The following OR2L13 variants were observed in gnomAD, a reference collection of about 807,000 sequenced individuals.
OR2L13 encodes the protein olfactory receptor family 2 subfamily L member 13.
Under a neutral mutation model 15.3 loss-of-function variants are expected in OR2L13, and 14 were observed. That is an observed-to-expected ratio of 0.91 (90% CI 0.60 to 1.43). The LOEUF is 1.43. OR2L13 is among the 40% of genes most tolerant of loss of function. The probability of loss-of-function intolerance (pLI) is 0.00; values close to 1 mark genes in which losing one functional copy is unlikely to be tolerated. For missense variants in OR2L13, 367 were observed against 387.9 expected (o/e 0.95, Z 0.45); for synonymous variants, 152 against 142.9 (o/e 1.06, Z -0.45).
chr1:248,010,763 G>GTTGTTTTTT, the OR2L13 span, among the ~76,000 whole-genome samples: 1 of 44,462 alleles, frequency 2.2e-5, no homozygotes, highest in Non-Finnish European at 3.7e-5. Flanking sequence ...CTTTGTTGTT[G>GTTGTTTTTT]TTTTTTTTTT....
chr1:248,045,570 G>A, the OR2L13 span, among the ~76,000 whole-genome samples: 5 of 152,280 alleles, frequency 3.3e-5, no homozygotes, highest in East Asian at 5.8e-4. Context: ...TTTTGAAGAT[G>A]TGAAAACAGT....
At chr1:248,031,708 A>ACAAAGT in the OR2L13 span, among the ~76,000 whole-genome samples, 4 of 152,228 alleles carry the variant, frequency 2.6e-5, no homozygotes, top group Admixed American at 6.5e-5. Flanking sequence ...TTAAGTAAAC[A>ACAAAGT]CAAAGTCAAA....
the OR2L13 span, among the ~76,000 whole-genome samples, chr1:247,970,294 T>C: frequency 0.013 from 1,950 of 152,268 alleles, 26 homozygotes; most frequent in Non-Finnish European, 0.02. Context: ...CGTATGTAAC[T>C]AACCTGTACA....
At chr1:248,054,510 G>A in the OR2L13 span, among the ~76,000 whole-genome samples, 1 of 151,990 alleles carries the variant, frequency 6.6e-6, no homozygotes, top group African/African-American at 2.4e-5. Flanking sequence ...GAATAGCATT[G>A]TATCTATAAA....
the OR2L13 span, chr1:247,990,910 T>C: frequency 7.6e-5 from 113 of 1,481,578 alleles, no homozygotes; most frequent in Non-Finnish European, 5.3e-5. Flanking sequence ...TTGTATTGCA[T>C]GTTCCTATGG....
chr1:248,047,618 G>A, the OR2L13 span, among the ~76,000 whole-genome samples: 1 of 152,116 alleles, frequency 6.6e-6, no homozygotes, highest in Non-Finnish European at 1.5e-5. Flanking sequence ...CTTTTACAAT[G>A]TATTTATTTT....
chr1:248,097,587 C>G (rs553904672), intron 1 of OR2L13, among the ~76,000 whole-genome samples: 27 of 152,296 alleles, frequency 1.8e-4, no homozygotes, highest in Admixed American at 6.5e-4. Flanking sequence ...ATTGTAGTAA[C>G]TGCCATAAAA....
At chr1:248,063,399 A>G in the OR2L13 span, 1 of 152,388 alleles carries the variant, frequency 6.6e-6, no homozygotes, top group Admixed American at 6.5e-5. Context: ...ATATTGTAGC[A>G]GTTAAAACAT....
chr1:248,032,883 T>G, the OR2L13 span, among the ~76,000 whole-genome samples: 1 of 152,202 alleles, frequency 6.6e-6, no homozygotes, highest in Non-Finnish European at 1.5e-5. Flanking sequence ...AGTTGGAACC[T>G]ATACTAACTC....
chr1:247,949,898 A>T, the OR2L13 span: 2 of 832,736 alleles, frequency 2.4e-6, no homozygotes, highest in East Asian at 2.7e-5. Flanking sequence ...GACTAAAACT[A>T]ACCAACGGAA....
the OR2L13 span, chr1:247,948,761 TG>T: frequency 1.7e-4 from 163 of 976,154 alleles, no homozygotes; most frequent in Admixed American, 4.0e-4. Flanking sequence ...AAACATCCAC[TG>T]GGGGGGCTTG....
the OR2L13 span, chr1:248,038,902 G>C: frequency 6.2e-7 from 1 of 1,614,078 alleles, no homozygotes; most frequent in Non-Finnish European, 8.5e-7. Context: ...CCTTTCACTG[G>C]TATTGCATGT....
At chr1:247,994,350 T>C in the OR2L13 span, among the ~76,000 whole-genome samples, 1 of 152,062 alleles carries the variant, frequency 6.6e-6, no homozygotes, top group Non-Finnish European at 1.5e-5. Context: ...TGAGCTGATA[T>C]CGCTCCACTG....
At chr1:248,064,404 C>G in the OR2L13 span, among the ~76,000 whole-genome samples, 3 of 152,148 alleles carry the variant, frequency 2.0e-5, no homozygotes, top group Non-Finnish European at 2.9e-5. Flanking sequence ...TCTTCAGTCA[C>G]TTTGTCTTAA....
At chr1:247,954,351 A>G in the OR2L13 span, among the ~76,000 whole-genome samples, 2 of 152,226 alleles carry the variant, frequency 1.3e-5, no homozygotes, top group Admixed American at 6.5e-5. Context: ...GAAAATGCAA[A>G]GATATATACA....
At chr1:247,956,212 AT>A in the OR2L13 span, among the ~76,000 whole-genome samples, 4 of 151,982 alleles carry the variant, frequency 2.6e-5, no homozygotes, top group Admixed American at 2.0e-4. Flanking sequence ...TCCTTTCCCC[AT>A]TGCTTGTTTT....
chr1:248,077,011 G>A, the OR2L13 span, among the ~76,000 whole-genome samples: 15 of 152,106 alleles, frequency 9.9e-5, no homozygotes, highest in Non-Finnish European at 2.9e-5. Context: ...TTTGAGATAC[G>A]TCCCATCAAT....
the OR2L13 span, among the ~76,000 whole-genome samples, chr1:248,064,045 C>T: frequency 3.5e-4 from 53 of 152,240 alleles, no homozygotes; most frequent in Admixed American, 1.0e-3. Flanking sequence ...CATAGGTCCA[C>T]GAAGCCAGTC....
chr1:247,956,876 C>T, the OR2L13 span, among the ~76,000 whole-genome samples: 1 of 152,162 alleles, frequency 6.6e-6, no homozygotes, highest in Non-Finnish European at 1.5e-5. Context: ...GATATACAAT[C>T]ATGTCATCTG....
Sources: gnomAD v4.1 joint callset for allele counts (sites outside exome capture counted in the v4.1 genomes callset) on GRCh38, gnomAD v4.1.1 for gene constraint, MANE v1.5 for transcripts, NCBI Gene and HGNC (gene_info 2026-07-23, HGNC 2026-07-21) for gene names.